The following WWOX variants were observed in gnomAD, a reference collection of about 807,000 sequenced individuals.
WWOX encodes the protein WW domain containing oxidoreductase.
A neutral mutation model predicts 46.2 loss-of-function variants in WWOX; 69 were observed. The observed-to-expected ratio is 1.49, with a 90% CI of 1.23 to 1.82. The LOEUF (loss-of-function observed/expected upper bound fraction) is 1.82, where lower values mean the gene tolerates loss of function less well. WWOX is among the 40% of genes most tolerant of loss of function. The probability of loss-of-function intolerance (pLI) is 0.00; values close to 1 mark genes in which losing one functional copy is unlikely to be tolerated. For synonymous variants in WWOX, 359 were observed against 202.6 expected, an observed-to-expected ratio of 1.77 and a Z score of -6.56; for missense variants, 919 against 542.6, an observed-to-expected ratio of 1.69 and a Z score of -6.89.
intron 8 of WWOX, among the ~76,000 whole-genome samples, chr16:78,469,339 G>T (rs2084164936): frequency 6.6e-6 from 1 of 152,112 alleles, no homozygotes; most frequent in Non-Finnish European, 1.5e-5. Flanking sequence ...GGAAAATATA[G>T]CTGACTATAA....
At chr16:78,376,780 G>C (rs1305756827) in intron 5 of WWOX, among the ~76,000 whole-genome samples, 1 of 152,142 alleles carries the variant, frequency 6.6e-6, no homozygotes, top group Non-Finnish European at 1.5e-5. Flanking sequence ...CTCTGGTTGA[G>C]AATCAGAGCA....
At chr16:78,226,557 T>C (rs541875300) in intron 5 of WWOX, among the ~76,000 whole-genome samples, 1 of 148,640 alleles carries the variant, frequency 6.7e-6, no homozygotes, top group South Asian at 2.2e-4. Context: ...TTTTCTTTTC[T>C]TTTCCTTTCC....
intron 8 of WWOX, among the ~76,000 whole-genome samples, chr16:79,037,470 G>T (rs941813471): frequency 2.0e-5 from 3 of 152,122 alleles, no homozygotes; most frequent in African/African-American, 7.2e-5. Flanking sequence ...TGTGGGGTCT[G>T]TGGAAAGGAA....
chr16:79,036,274 C>T (rs905335476), intron 8 of WWOX, among the ~76,000 whole-genome samples: 1 of 152,192 alleles, frequency 6.6e-6, no homozygotes, highest in Non-Finnish European at 1.5e-5. Context: ...GCCCTGACTC[C>T]CACCAGATAA....
intron 8 of WWOX, among the ~76,000 whole-genome samples, chr16:78,609,436 C>G (rs905948248): frequency 6.6e-6 from 1 of 150,956 alleles, no homozygotes; most frequent in Admixed American, 6.6e-5. Context: ...AGCGATAGTC[C>G]TATTTTCTAA....
chr16:79,151,700 C>T (rs567757382), intron 8 of WWOX, among the ~76,000 whole-genome samples: 1 of 152,102 alleles, frequency 6.6e-6, no homozygotes, highest in African/African-American at 2.4e-5. Context: ...CACCCTATCT[C>T]GTGTTGAGAG....
chr16:78,670,477 G>A (rs1177198716), intron 8 of WWOX, among the ~76,000 whole-genome samples: 1 of 152,090 alleles, frequency 6.6e-6, no homozygotes, highest in Non-Finnish European at 1.5e-5. Flanking sequence ...CCAGTGGTGT[G>A]TGATCGGAAA....
At chr16:78,424,792 G>C (rs1049479059) in intron 6 of WWOX, 78 bp from the exon 7 acceptor site, 3 of 1,520,530 alleles carry the variant, frequency 2.0e-6, no homozygotes, top group East Asian at 4.5e-5. Flanking sequence ...TCCACATCAC[G>C]TGGATTCCCG....
chr16:78,404,498 G>C (rs545382057), intron 6 of WWOX, among the ~76,000 whole-genome samples: 11 of 152,176 alleles, frequency 7.2e-5, no homozygotes, highest in Non-Finnish European at 1.3e-4. Context: ...TCATCTGCCA[G>C]GTCTTTCCCT....
chr16:78,712,195 G>A (rs909835088), intron 8 of WWOX, among the ~76,000 whole-genome samples: 8 of 151,994 alleles, frequency 5.3e-5, no homozygotes, highest in African/African-American at 9.7e-5. Context: ...AGGGTGGTAC[G>A]GCTGTAGACA....
In WWOX at chr16:78,895,298, C is replaced by T. The variant is rs865882026; in HGVS notation, c.1057-316310C>T. 2.6e-5 allele frequency: 4 copies of T among 152,276 alleles called. No individual in the cohort carries two copies. The South Asian group carries it at 8.3e-4, about 32-fold the overall frequency. The allele number at this position is 152,276 out of a possible 1,614,324, so 9.4% of individuals were successfully genotyped here. ...GGTTTCTTTTCTTTTCTTAATTATG[C>T]ATTAAGAAAATAACTTAAGTTTCTG... On this transcript the variant is annotated intron_variant, in intron 8 of 8. Transcript: ENST00000566780.
intron 8 of WWOX, among the ~76,000 whole-genome samples, chr16:78,517,853 C>CTT (rs2043270480): frequency 8.2e-6 from 1 of 121,798 alleles, no homozygotes; most frequent in African/African-American, 3.1e-5. Flanking sequence ...GTTACACAAC[C>CTT]TATTTTTTTT....
At chr16:78,627,556 A>T (rs1049587476) in intron 8 of WWOX, among the ~76,000 whole-genome samples, 4 of 152,228 alleles carry the variant, frequency 2.6e-5, no homozygotes, top group Non-Finnish European at 5.9e-5. Context: ...TCTGTTGGAA[A>T]TCTTTGTAAA....
intron 8 of WWOX, among the ~76,000 whole-genome samples, chr16:78,627,741 A>G (rs1051027483): frequency 6.6e-6 from 1 of 152,204 alleles, no homozygotes; most frequent in Non-Finnish European, 1.5e-5. Context: ...ACCTATGTTA[A>G]CTCTATTTCA....
chr16:78,727,836 T>TTTTCTCC (rs753712373), intron 8 of WWOX, among the ~76,000 whole-genome samples: 2 of 152,026 alleles, frequency 1.3e-5, no homozygotes, highest in Non-Finnish European at 2.9e-5. Context: ...TTGCTCTACA[T>TTTTCTCC]CAGTGCTTCT....
rs117027304 is a variant in WWOX, at chr16:78,884,899, T to C, written c.1057-326709T>C. 8.8e-3 allele frequency among the ~76,000 whole-genome samples: 1,338 copies of C among 152,354 alleles called. 5 individuals carry two copies. The highest frequency in any genetic ancestry group is 0.014 in the Non-Finnish European group (926 of 68,040). Reference sequence around the variant, plus strand: ...GAAATAATAATAATATAAAGCACAATCAATGCATTCCATTTATTCTTCTGC... The same window carrying C: ...GAAATAATAATAATATAAAGCACAACCAATGCATTCCATTTATTCTTCTGC... On this transcript the variant is annotated intron_variant, in intron 8 of 8. Transcript: ENST00000566780.
At chr16:78,984,100 G>A (rs895698007) in intron 8 of WWOX, among the ~76,000 whole-genome samples, 2 of 151,918 alleles carry the variant, frequency 1.3e-5, no homozygotes, top group Admixed American at 6.6e-5. Flanking sequence ...GGATGGTCTC[G>A]ATCTCCTGAC....
At position 78,340,200 on chromosome 16, in the gene WWOX, TC is replaced by T; in HGVS notation, c.517-46659del. On this transcript the variant is annotated intron_variant, in intron 5 of 8. Transcript: ENST00000566780. ...TTTTGGTAATTGTGTTTGATGATAG[TC>T]TTTTTTTTTTTTTGAGATGGAGTCT... is the stretch of plus-strand genomic sequence containing the variant. Among the ~76,000 whole-genome samples, 2 of 96,678 alleles carry T rather than the reference TC, an allele frequency of 2.1e-5. 1 individual carries two copies. Among genetic ancestry groups the T allele is most frequent in the African/African-American group, 6.6e-5 (2 of 30,422 alleles). 63.4% of individuals were successfully genotyped at this position (96,678 alleles called of 152,430 possible). A position where few individuals can be genotyped will look rare whatever the true frequency, so the allele number is the denominator to read the frequency against.
At chr16:78,382,561 G>C (rs979923874) in intron 5 of WWOX, among the ~76,000 whole-genome samples, 1 of 152,170 alleles carries the variant, frequency 6.6e-6, no homozygotes, top group Admixed American at 6.5e-5. Context: ...CCATGCTAAG[G>C]AATTCAGCCC....
Sources: allele counts gnomAD v4.1 joint callset (sites outside exome capture counted in the v4.1 genomes callset), GRCh38; gene constraint gnomAD v4.1.1; transcripts MANE v1.5; gene names NCBI Gene and HGNC (gene_info 2026-07-23, HGNC 2026-07-21).